The following FPGS variants were observed in gnomAD, a reference collection of about 807,000 sequenced individuals.
FPGS encodes the protein folylpolyglutamate synthase, mitochondrial.
In FPGS, 53 loss-of-function variants were observed where a neutral mutation model predicts 66.5. The observed-to-expected ratio is 0.80, with a 90% CI of 0.64 to 1.00. FPGS has a LOEUF of 1.00. Among genes scored for constraint, FPGS ranks in the 50% least tolerant of loss-of-function variants. The pLI is 0.00. For synonymous variants in FPGS, 348 were observed against 350.9 expected, an observed-to-expected ratio of 0.99 and a Z score of 0.09; for missense variants, 702 against 807.7, an observed-to-expected ratio of 0.87 and a Z score of 1.59.
chr9:127,814,063 T>C lies in FPGS; in HGVS notation c.*459T>C, dbSNP rs570900735. On this transcript the variant is annotated 3_prime_UTR_variant, in exon 15 of 15. Transcript: ENST00000373247. ...TTAAAGCCTTTGTTTTTTAAAGAAA[T>C]GGCAAAGCCTTCGACTGACCCTTGA... 3 of 990,904 alleles carry C rather than the reference T, an allele frequency of 3.0e-6. No homozygotes were observed. The African/African-American group carries it at 5.2e-5, about 17-fold the overall frequency. 61.4% of individuals were successfully genotyped at this position (990,904 alleles called of 1,614,324 possible).
At chr9:127,809,879 A>AGGGGCGGGATCTTGGGGAAGGGC (rs1167142808) in intron 12 of FPGS, 45 bp downstream of exon 12, 2 of 549,842 alleles carry the variant, frequency 3.6e-6, no homozygotes, top group African/African-American at 3.0e-5. Flanking sequence ...GCCCACGAGG[A>AGGGGCGGGATCTTGGGGAAGGGC]GGGGCGGGAT....
rs1380826718 is a variant in FPGS at position 127,808,793 on chromosome 9, C to T, written c.971-7C>T. ...CCCGGACACACTTGGTCTCACACAC[C>T]CCGCAGGTGCTGGGGAGCCAAAGGC... On this transcript the variant is annotated splice_region_variant and splice_polypyrimidine_tract_variant and intron_variant, in intron 10 of 14. Transcript: ENST00000373247. 3.9e-6 allele frequency: 6 copies of T among 1,556,640 alleles called. No individual in the cohort carries two copies. Among genetic ancestry groups the T allele is most frequent in the African/African-American group, 2.7e-5 (2 of 73,312 alleles).
At position 127,806,979 on chromosome 9, in the gene FPGS, C is replaced by G; in HGVS notation, c.393C>G (p.Pro131=). Residue 131 remains proline, a synonymous_variant, in exon 5 of 15, where the codon CCC becomes CCG. Coordinates refer to ENST00000373247, the MANE Select transcript of FPGS (RefSeq NM_004957.6). ...YGLKTGFFSS[P]HLVQVRERIR... is the part of the protein sequence containing the mutation. ...ACCCCAGCTGTCCCGGCAGCTCTCC[C>G]CACCTGGTGCAGGTTCGGGAGCGGA... 6.2e-7 allele frequency: 1 copy of G among 1,613,762 alleles called. No individual in the cohort carries two copies. Among genetic ancestry groups the G allele is most frequent in the Non-Finnish European group, 8.5e-7 (1 of 1,179,788 alleles).
Position 127,813,292 on chromosome 9 carries a change from G to C in FPGS, c.1452G>C (p.Pro484=). ...WNHLDEEQAS[P]DLWSAPSPEP... ...ACCTGGACGAAGAGCAGGCCAGCCCGGACCTCTGGAGTGCCCCCAGCCCAG... is the reference window on the plus strand; with the variant it reads ...ACCTGGACGAAGAGCAGGCCAGCCCCGACCTCTGGAGTGCCCCCAGCCCAG... The change falls in exon 15 of 15, where the codon CCG becomes CCC. Residue 484 remains proline (P), a synonymous_variant. Coordinates refer to ENST00000373247, the MANE Select transcript of FPGS (RefSeq NM_004957.6). The C allele has an allele frequency of 6.2e-7, 1 of 1,613,068 alleles. No homozygotes were observed. The highest frequency in any genetic ancestry group is 8.5e-7 in the Non-Finnish European group (1 of 1,179,948).
rs766106139 is a variant in FPGS at position 127,802,952 on chromosome 9, G to A, written c.28G>A (p.Ala10Thr). 2 of 1,411,350 alleles carry A rather than the reference G, an allele frequency of 1.4e-6. No homozygotes were observed. The highest frequency in any genetic ancestry group is 1.5e-5 in the South Asian group (1 of 68,060). 87.4% of individuals were successfully genotyped at this position (1,411,350 alleles called of 1,614,324 possible). Reference protein sequence around the residue: MSRARSHLRAALFLAAASAR... With the variant: MSRARSHLRTALFLAAASAR... ...GTCGCGGGCGCGGAGCCACCTGCGC[G>A]CCGCTCTATTCCTGGCAGCGGCGTC... Residue 10 changes from alanine to threonine, a missense_variant, in exon 1 of 15, where the codon GCC (alanine) becomes ACC (threonine). Around this residue, in one of 3 missense-constraint regions of FPGS, gnomAD observed 111 missense variants for 95.4 expected, o/e 1.16. Coordinates refer to ENST00000373247, the MANE Select transcript of FPGS (RefSeq NM_004957.6).
At chr9:127,805,580 G>A (rs1176483679) in intron 4 of FPGS, among the ~76,000 whole-genome samples, 13 of 151,678 alleles carry the variant, frequency 8.6e-5, no homozygotes, top group Non-Finnish European at 1.6e-4. Flanking sequence ...CTTGGGCAAC[G>A]TAGTGAGACT....
At position 127,808,229 on chromosome 9, in the gene FPGS, C is replaced by T; in HGVS notation, c.745-5C>T. ...GCCCTTTCTCTCTCCTTCTTCCCTC[C>T]ACAGCAAGGTGTCCCTGCCTTCACT... On this transcript the variant is annotated splice_region_variant and splice_polypyrimidine_tract_variant and intron_variant, in intron 8 of 14. Transcript: ENST00000373247. 1 of 1,613,130 alleles carries T rather than the reference C, an allele frequency of 6.2e-7. No homozygotes were observed. The highest frequency in any genetic ancestry group is 8.5e-7 in the Non-Finnish European group (1 of 1,179,132).
Position 127,804,426 on chromosome 9 carries a change from G to A in FPGS, c.267+13G>A. ...GAGTGGGCTGCAGGTAAGGTAGAGA[G>A]GGCCTGTGACCACCTCCCACCCCCA... On this transcript the variant is annotated intron_variant, in intron 2 of 14. Coordinates refer to ENST00000373247, the MANE Select transcript of FPGS (RefSeq NM_004957.6). The A allele has an allele frequency of 1.2e-6, 2 of 1,614,114 alleles. No homozygotes were observed. Among genetic ancestry groups the A allele is most frequent in the Non-Finnish European group, 1.7e-6 (2 of 1,179,992 alleles).
Position 127,813,324 on chromosome 9 carries a change from GTGGGTCCGC to G in FPGS, c.1485_1493del (p.Gly496_Ala498del), listed in dbSNP as rs370782786. The G allele has an allele frequency of 1.2e-5, 19 of 1,613,170 alleles. No individual in the cohort carries two copies. The African/African-American group carries it at 1.7e-4, about 15-fold the overall frequency. ...TGGAGTGCCCCCAGCCCAGAGCCCG[GTGGGTCCGC>G]ATCCCTGCTTCTGGCGCCCCACCCA... On this transcript the variant is annotated inframe_deletion, in exon 15 of 15. Transcript: ENST00000373247.
Position 127,807,194 on chromosome 9 carries a change from G to A in FPGS, c.502-15G>A. The A allele has an allele frequency of 6.2e-7, 1 of 1,613,984 alleles. No homozygotes were observed. The highest frequency in any genetic ancestry group is 8.5e-7 in the Non-Finnish European group (1 of 1,179,970). ...CTGCATGGGCTCTGGGCCCTGACAT[G>A]TCCCTGTGCCACAGGATGGCAGCTG... On this transcript the variant is annotated splice_polypyrimidine_tract_variant and intron_variant, in intron 5 of 14. Coordinates refer to ENST00000373247, the MANE Select transcript of FPGS (RefSeq NM_004957.6). This position sits in a 1 kb window ranked among gnomAD's most constrained non-coding sequence, Gnocchi z 5.8.
rs1440524382 is a variant in FPGS, at chr9:127,810,930, C to A, written c.1288-15C>A. 1.3e-6 allele frequency: 2 copies of A among 1,521,576 alleles called. No homozygotes were observed. The allele number at this position is 1,521,576 out of a possible 1,614,324, so 94.3% of individuals were successfully genotyped here. ...TTCGGGGGTCTGACACCAAGTCTTT[C>A]CCTTGGCCTTCTAGCCCTGCCAGTT... On this transcript the variant is annotated splice_polypyrimidine_tract_variant and intron_variant, in intron 13 of 14. Coordinates refer to ENST00000373247, the MANE Select transcript of FPGS (RefSeq NM_004957.6).
chr9:127,808,441 G>A, intron 9 of FPGS, 117 bp from the exon 10 acceptor site: 3 of 1,528,228 alleles, frequency 2.0e-6, no homozygotes, highest in Admixed American at 1.8e-5. Flanking sequence ...TGCCAGGCCT[G>A]CTGGAACACA....
At chr9:127,811,143 T>C (rs755354379) in intron 14 of FPGS, 132 bp downstream of exon 14, 7 of 447,128 alleles carry the variant, frequency 1.6e-5, no homozygotes, top group Non-Finnish European at 2.8e-5. Context: ...AGTGTACTTA[T>C]ACTCTTTTAT....
chr9:127,813,358 A>G lies in FPGS; in HGVS notation c.1518A>G (p.Pro506=). 1 of 1,609,958 alleles carries G rather than the reference A, an allele frequency of 6.2e-7. No homozygotes were observed. Among genetic ancestry groups the G allele is most frequent in the Non-Finnish European group, 8.5e-7 (1 of 1,177,810 alleles). ...GSASLLLAPH[P]PHTCSASSLV... is the part of the protein sequence containing the mutation. ...CATCCCTGCTTCTGGCGCCCCACCC[A>G]CCCCACACCTGCAGTGCCAGCTCCC... Residue 506 remains proline (P), a synonymous_variant, in exon 15 of 15, where the codon CCA becomes CCG. Coordinates refer to ENST00000373247, the MANE Select transcript of FPGS (RefSeq NM_004957.6).
chr9:127,813,299 T>C lies in FPGS; in HGVS notation c.1459T>C (p.Trp487Arg). Residue 487 changes from tryptophan (W) to arginine (R), a missense_variant, in exon 15 of 15, where the codon TGG (tryptophan) becomes CGG (arginine). Physicochemically the swap from Trp to Arg is moderately radical, Grantham distance 101. Around this residue, in one of 3 missense-constraint regions of FPGS, gnomAD observed 351 missense variants for 363.7 expected, o/e 0.97. Transcript: ENST00000373247. ...CGAAGAGCAGGCCAGCCCGGACCTCTGGAGTGCCCCCAGCCCAGAGCCCGG... is the reference window on the plus strand; with the variant it reads ...CGAAGAGCAGGCCAGCCCGGACCTCCGGAGTGCCCCCAGCCCAGAGCCCGG... ...LDEEQASPDL[W>R]SAPSPEPGGS... The C allele has an allele frequency of 6.2e-7, 1 of 1,613,172 alleles. No individual in the cohort carries two copies. Among genetic ancestry groups the C allele is most frequent in the African/African-American group, 1.3e-5 (1 of 75,048 alleles).
chr9:127,809,721 G>T lies in FPGS; in HGVS notation c.1098G>T (p.Val366=). The T allele has an allele frequency of 6.3e-7, 1 of 1,588,732 alleles. No homozygotes were observed. The highest frequency in any genetic ancestry group is 1.7e-5 in the Admixed American group (1 of 58,884). Residue 366 remains valine, a synonymous_variant, in exon 12 of 15, where the codon GTG becomes GTT. Transcript: ENST00000373247. The part of the protein sequence containing the change: ...RNTEWPGRTQ[V]LRRGPLTWYL... Reference sequence around the variant, plus strand: ...CGGAGTGGCCGGGCCGGACGCAGGTGCTGCGGCGCGGGCCCCTCACCTGGT... The same window carrying T: ...CGGAGTGGCCGGGCCGGACGCAGGTTCTGCGGCGCGGGCCCCTCACCTGGT...
At position 127,803,025 on chromosome 9, in the gene FPGS, C is replaced by T; in HGVS notation, c.101C>T (p.Ala34Val). The T allele has an allele frequency of 2.1e-6, 3 of 1,460,144 alleles. No individual in the cohort carries two copies. The highest frequency in any genetic ancestry group is 1.5e-5 in the African/African-American group (1 of 67,344). 90.4% of individuals were successfully genotyped at this position (1,460,144 alleles called of 1,614,324 possible). The change falls in exon 1 of 15, where the codon GCG (alanine) becomes GTG (valine). Residue 34 changes from alanine to valine, a missense_variant. Coordinates refer to ENST00000373247, the MANE Select transcript of FPGS (RefSeq NM_004957.6). ...TQVAARRGLS[A>V]WPVPQEPSME... The stretch of plus-strand genomic sequence containing the variant: ...GTCGCGGCGCGGCGGGGCTTGAGCG[C>T]GTGGCCGGTGCCGCAGGAGCCGAGC...
intron 11 of FPGS, among the ~76,000 whole-genome samples, chr9:127,809,407 C>T (rs942711889): frequency 6.6e-6 from 1 of 152,188 alleles, no homozygotes; most frequent in Non-Finnish European, 1.5e-5. Flanking sequence ...GGAGACAAAC[C>T]GACCTCGCAT....
rs768617104 is a variant in FPGS, at chr9:127,813,373, T to C, written c.1533T>C (p.Ser511=). Residue 511 remains serine, a synonymous_variant, in exon 15 of 15, where the codon AGT becomes AGC. Coordinates refer to ENST00000373247, the MANE Select transcript of FPGS (RefSeq NM_004957.6). The stretch of plus-strand genomic sequence containing the variant: ...CGCCCCACCCACCCCACACCTGCAG[T>C]GCCAGCTCCCTCGTCTTCAGCTGCA... ...LLAPHPPHTC[S]ASSLVFSCIS... 2 of 1,611,708 alleles carry C rather than the reference T, an allele frequency of 1.2e-6. No individual in the cohort carries two copies. The highest frequency in any genetic ancestry group is 2.2e-5 in the East Asian group (1 of 44,854).
Sources: gnomAD v4.1 joint callset for allele counts (sites outside exome capture counted in the v4.1 genomes callset) on GRCh38, gnomAD v4.1.1 for gene constraint, gnomAD v4.1.1 regional missense constraint, Gnocchi (gnomAD v3.1) non-coding constraint, MANE v1.5 for transcripts, NCBI Gene and HGNC (gene_info 2026-07-23, HGNC 2026-07-21) for gene names.